SNX29: variants seen among roughly 807,000 people sequenced by gnomAD.
SNX29 encodes the protein sorting nexin 29.
In SNX29, 78 loss-of-function variants were observed where a neutral mutation model predicts 102.1. The observed-to-expected ratio is 0.76, with a 90% CI of 0.64 to 0.92. SNX29 has a LOEUF of 0.92. Ranked by LOEUF, SNX29 falls within the 40% of genes least tolerant of loss-of-function variation. The pLI, the probability that SNX29 is intolerant of heterozygous loss-of-function variation, is 0.00. For synonymous variants in SNX29, 580 were observed against 414.5 expected, an observed-to-expected ratio of 1.40 and a Z score of -4.85; for missense variants, 1,280 against 1,061.7, an observed-to-expected ratio of 1.21 and a Z score of -2.86.
At chr16:12,049,208 G>T (rs548505146) in intron 7 of SNX29, among the ~76,000 whole-genome samples, 1 of 152,316 alleles carries the variant, frequency 6.6e-6, no homozygotes, top group South Asian at 2.1e-4. Flanking sequence ...GTTGATTCAG[G>T]CCGGTCGTGG....
chr16:11,985,948 T>A lies in SNX29; in HGVS notation c.7+9135T>A, dbSNP rs2055605345. Among the ~76,000 whole-genome samples, 5 of 151,328 alleles carry A rather than the reference T, an allele frequency of 3.3e-5. No homozygotes were observed. In the Admixed American group the frequency reaches 3.3e-4, roughly 10 times the overall value. On this transcript the variant is annotated intron_variant, in intron 1 of 20. Transcript: ENST00000566228. ...CCCATGTTCAAGTGATTCTCCCGCC[T>A]CGAGCGCCACCATGCCTGGCTCATT...
chr16:12,543,699 T>C (rs2077450612), intron 20 of SNX29, among the ~76,000 whole-genome samples: 1 of 152,188 alleles, frequency 6.6e-6, no homozygotes, highest in Admixed American at 6.5e-5. Flanking sequence ...TATCAGAAAA[T>C]ATTAACCACG....
At chr16:12,486,366 G>C (rs998656658) in intron 19 of SNX29, among the ~76,000 whole-genome samples, 1 of 152,208 alleles carries the variant, frequency 6.6e-6, no homozygotes. Context: ...AGGTTCTGGG[G>C]ATTGAGGCAT....
At chr16:12,125,532 C>G (rs1483007063) in intron 11 of SNX29, among the ~76,000 whole-genome samples, 1 of 149,902 alleles carries the variant, frequency 6.7e-6, no homozygotes, top group Non-Finnish European at 1.5e-5. Context: ...CATCCATCGT[C>G]CTCTGTTTCT....
chr16:12,077,064 G>A (rs1383310786), intron 10 of SNX29, among the ~76,000 whole-genome samples: 1 of 152,090 alleles, frequency 6.6e-6, no homozygotes, highest in South Asian at 2.1e-4. Flanking sequence ...ACTTGAGGCC[G>A]GGAGTTCAAC....
At chr16:12,212,518 C>G (rs531133356) in intron 14 of SNX29, among the ~76,000 whole-genome samples, 7 of 152,188 alleles carry the variant, frequency 4.6e-5, no homozygotes, top group African/African-American at 1.4e-4. Flanking sequence ...AATCCCAGCC[C>G]TGTCATTTAC....
At chr16:12,533,294 T>C (rs996916500) in intron 20 of SNX29, among the ~76,000 whole-genome samples, 1 of 152,232 alleles carries the variant, frequency 6.6e-6, no homozygotes, top group African/African-American at 2.4e-5. Flanking sequence ...TCCTGGAAAG[T>C]CAGCCCTAGT....
chr16:12,364,416 C>CTTCTTTTTTTTT (rs1555520124), intron 16 of SNX29, among the ~76,000 whole-genome samples: 3 of 98,792 alleles, frequency 3.0e-5, no homozygotes, highest in Admixed American at 9.4e-5. Flanking sequence ...CTCTCTTCTT[C>CTTCTTTTTTTTT]TTTTTTTTTT....
chr16:12,268,484 G>T (rs965886644), intron 14 of SNX29, among the ~76,000 whole-genome samples: 3 of 152,212 alleles, frequency 2.0e-5, no homozygotes, highest in African/African-American at 7.2e-5. Flanking sequence ...AGCACTTGAA[G>T]ATGGTGGATG....
At chr16:12,105,700 C>T (rs1411852404) in intron 11 of SNX29, among the ~76,000 whole-genome samples, 1 of 152,106 alleles carries the variant, frequency 6.6e-6, no homozygotes, top group Non-Finnish European at 1.5e-5. Flanking sequence ...GCTGTGTTTC[C>T]AGGGTCTCCT....
chr16:12,565,941 C>A (rs2078985750), intron 20 of SNX29, among the ~76,000 whole-genome samples: 1 of 152,148 alleles, frequency 6.6e-6, no homozygotes, highest in Non-Finnish European at 1.5e-5. Flanking sequence ...CCAGTGTCTG[C>A]CCTCCCCATC....
chr16:12,535,245 T>A (rs1206187035), intron 20 of SNX29, among the ~76,000 whole-genome samples: 1 of 152,210 alleles, frequency 6.6e-6, no homozygotes, highest in Non-Finnish European at 1.5e-5. Context: ...CTCAAGCGAC[T>A]TTTGTGCTTC....
intron 15 of SNX29, among the ~76,000 whole-genome samples, chr16:12,341,484 G>A (rs2081608501): frequency 6.6e-6 from 1 of 152,232 alleles, no homozygotes; most frequent in South Asian, 2.1e-4. Flanking sequence ...GATTGGTTCT[G>A]CCACAGTAAC....
intron 14 of SNX29, among the ~76,000 whole-genome samples, chr16:12,208,843 T>TAA (rs34312513): frequency 7.6e-5 from 11 of 143,936 alleles, no homozygotes; most frequent in African/African-American, 2.8e-4. Flanking sequence ...CATGTCTCTT[T>TAA]AAAAAAAAAA....
chr16:12,546,124 A>C lies in SNX29; in HGVS notation c.2318+21283A>C, dbSNP rs1236367321. On this transcript the variant is annotated intron_variant, in intron 20 of 20. Transcript: ENST00000566228. ...TGACTTTGGACAATGTATTCTCCCC[A>C]TCCACAAAACAGAGCTAATAACCTC... 2.6e-5 allele frequency among the ~76,000 whole-genome samples: 4 copies of C among 152,160 alleles called. No homozygotes were observed. In the East Asian group the frequency reaches 7.7e-4, roughly 29 times the overall value.
At chr16:12,009,925 C>A (rs1044380392) in intron 3 of SNX29, among the ~76,000 whole-genome samples, 1 of 152,242 alleles carries the variant, frequency 6.6e-6, no homozygotes, top group African/African-American at 2.4e-5. Context: ...AGGACGTGAT[C>A]TGGAAGTTTT....
At chr16:12,070,638 A>C (rs1161578455) in intron 10 of SNX29, among the ~76,000 whole-genome samples, 4 of 151,620 alleles carry the variant, frequency 2.6e-5, no homozygotes, top group Non-Finnish European at 1.5e-5. Flanking sequence ...CAATAAACAT[A>C]TGTGTGCATG....
At chr16:12,307,770 G>T (rs992540705) in intron 15 of SNX29, among the ~76,000 whole-genome samples, 2 of 152,208 alleles carry the variant, frequency 1.3e-5, no homozygotes, top group African/African-American at 4.8e-5. Flanking sequence ...TGGCTGGTAG[G>T]CACCAATGTA....
At chr16:12,124,278 C>T (rs2054109169) in intron 11 of SNX29, among the ~76,000 whole-genome samples, 1 of 151,936 alleles carries the variant, frequency 6.6e-6, no homozygotes, top group African/African-American at 2.4e-5. Context: ...ATCACTTGAA[C>T]CCTGGAGGCA....
Sources: gnomAD v4.1 joint callset for allele counts (sites outside exome capture counted in the v4.1 genomes callset) on GRCh38, gnomAD v4.1.1 for gene constraint, MANE v1.5 for transcripts, NCBI Gene and HGNC (gene_info 2026-07-23, HGNC 2026-07-21) for gene names.